CSMD3: variants seen among roughly 807,000 people sequenced by gnomAD.
CSMD3 encodes the protein CUB and Sushi multiple domains 3.
A neutral mutation model predicts 435.2 loss-of-function variants in CSMD3; 177 were observed. The ratio of observed to expected loss-of-function variants is 0.41; its 90% CI spans 0.36 to 0.46. CSMD3 has a LOEUF of 0.46. CSMD3 is among the 20% of genes least tolerant of loss of function. The pLI is 0.34. For missense variants in CSMD3, 4,265 were observed against 4,504.6 expected (o/e 0.95, Z 1.52); for synonymous variants, 1,656 against 1,520.5 (o/e 1.09, Z -2.07).
At chr8:113,215,344 A>T (rs1380196062) in intron 3 of CSMD3, among the ~76,000 whole-genome samples, 1 of 151,926 alleles carries the variant, frequency 6.6e-6, no homozygotes, top group Non-Finnish European at 1.5e-5. Context: ...AAAAGGAAAG[A>T]TAAAAAATTA....
At chr8:113,328,917 T>C (rs924522270) in intron 1 of CSMD3, among the ~76,000 whole-genome samples, 1 of 151,238 alleles carries the variant, frequency 6.6e-6, no homozygotes, top group Non-Finnish European at 1.5e-5. Context: ...ATTTTTGTAT[T>C]TTTTTGTAGG....
At chr8:113,045,084 G>T (rs1054916177) in intron 5 of CSMD3, among the ~76,000 whole-genome samples, 1 of 148,588 alleles carries the variant, frequency 6.7e-6, no homozygotes, top group Non-Finnish European at 1.5e-5. Flanking sequence ...ATAAATATTT[G>T]TCTACATGTA....
At chr8:112,418,834 G>A (rs926740279) in intron 32 of CSMD3, among the ~76,000 whole-genome samples, 2 of 152,114 alleles carry the variant, frequency 1.3e-5, no homozygotes, top group Non-Finnish European at 2.9e-5. Flanking sequence ...TTTTGGTGCT[G>A]AAATGACTTC....
At chr8:112,471,447 T>A (rs1818512778) in intron 32 of CSMD3, among the ~76,000 whole-genome samples, 1 of 152,130 alleles carries the variant, frequency 6.6e-6, no homozygotes. Context: ...ATTCAACCGA[T>A]CAATATGTTA....
intron 3 of CSMD3, among the ~76,000 whole-genome samples, chr8:113,217,869 A>G (rs1245379279): frequency 6.6e-6 from 1 of 151,296 alleles, no homozygotes; most frequent in Non-Finnish European, 1.5e-5. Flanking sequence ...AGTTTAGTAA[A>G]CCTCCAATAG....
chr8:113,390,973 A>G (rs2094459001), intron 1 of CSMD3, among the ~76,000 whole-genome samples: 4 of 151,984 alleles, frequency 2.6e-5, no homozygotes, highest in Admixed American at 2.6e-4. Flanking sequence ...AGGCAGAAGA[A>G]AGATGCTTCA....
At chr8:112,915,264 G>A (rs910557700) in intron 10 of CSMD3, among the ~76,000 whole-genome samples, 4 of 151,562 alleles carry the variant, frequency 2.6e-5, no homozygotes, top group Non-Finnish European at 5.9e-5. Context: ...TTTTAGTTTA[G>A]CGAAAGCGTT....
intron 38 of CSMD3, among the ~76,000 whole-genome samples, chr8:112,374,722 T>G (rs1828775726): frequency 6.6e-6 from 1 of 152,208 alleles, no homozygotes; most frequent in African/African-American, 2.4e-5. Flanking sequence ...TTAAGGCCTA[T>G]CAACACAATG....
intron 4 of CSMD3, among the ~76,000 whole-genome samples, chr8:113,169,814 A>G (rs1010644086): frequency 6.6e-6 from 1 of 152,180 alleles, no homozygotes; most frequent in African/African-American, 2.4e-5. Context: ...GAAGGATTCT[A>G]AAGCTACATC....
chr8:112,390,314 G>T (rs1212680533), intron 36 of CSMD3, among the ~76,000 whole-genome samples: 3 of 152,182 alleles, frequency 2.0e-5, no homozygotes, highest in Non-Finnish European at 1.5e-5. Flanking sequence ...TCAGGAGAAG[G>T]TGTCTAAGAA....
chr8:113,094,617 C>T (rs1044645855), intron 5 of CSMD3, among the ~76,000 whole-genome samples: 2 of 152,034 alleles, frequency 1.3e-5, no homozygotes, highest in African/African-American at 4.8e-5. Flanking sequence ...GTATTTGTAT[C>T]AATTAATTTA....
At chr8:112,502,572 T>C (rs1476654702) in intron 30 of CSMD3, among the ~76,000 whole-genome samples, 1 of 152,200 alleles carries the variant, frequency 6.6e-6, no homozygotes, top group Non-Finnish European at 1.5e-5. Context: ...ATATCATGTG[T>C]TGTGAAATTT....
intron 12 of CSMD3, among the ~76,000 whole-genome samples, chr8:112,802,629 G>A (rs2132340627): frequency 6.6e-6 from 1 of 151,832 alleles, no homozygotes; most frequent in Non-Finnish European, 1.5e-5. Flanking sequence ...AGCTTTTACT[G>A]AGCTGGCAAA....
At chr8:112,911,726 A>G (rs1488778435) in intron 10 of CSMD3, among the ~76,000 whole-genome samples, 10 of 146,528 alleles carry the variant, frequency 6.8e-5, no homozygotes, top group Admixed American at 4.8e-4. Context: ...GTTATATATA[A>G]TTATGTATTA....
At chr8:112,693,850 T>G (rs1414108566) in intron 13 of CSMD3, among the ~76,000 whole-genome samples, 3 of 151,778 alleles carry the variant, frequency 2.0e-5, no homozygotes, top group East Asian at 1.9e-4. Context: ...ATTCTCTATT[T>G]TGCATTCTAG....
intron 40 of CSMD3, among the ~76,000 whole-genome samples, chr8:112,346,992 T>C (rs190716474): frequency 6.6e-6 from 1 of 152,200 alleles, no homozygotes. Context: ...AGCAAAATAT[T>C]GGTTTCCATT....
At chr8:112,547,766 G>A (rs1170536156) in intron 27 of CSMD3, among the ~76,000 whole-genome samples, 3 of 152,092 alleles carry the variant, frequency 2.0e-5, no homozygotes, top group African/African-American at 7.2e-5. Context: ...GAAAAAAGAA[G>A]GTTTGGTGAT....
chr8:112,504,258 T>C (rs1166560952), intron 29 of CSMD3, among the ~76,000 whole-genome samples: 1 of 152,100 alleles, frequency 6.6e-6, no homozygotes. Context: ...ACAAAGAGTT[T>C]AGTTGATGAA....
intron 13 of CSMD3, among the ~76,000 whole-genome samples, chr8:112,783,139 A>G (rs2078436107): frequency 6.6e-6 from 1 of 152,048 alleles, no homozygotes; most frequent in Non-Finnish European, 1.5e-5. Context: ...ACAAATTCCA[A>G]GAAGTAGTAT....
Sources: allele counts gnomAD v4.1 joint callset (sites outside exome capture counted in the v4.1 genomes callset), GRCh38; gene constraint gnomAD v4.1.1; transcripts MANE v1.5; gene names NCBI Gene and HGNC (gene_info 2026-07-23, HGNC 2026-07-21).